Variants in KCNJ6 observed in about 807,000 individuals in gnomAD.
KCNJ6 encodes potassium inwardly rectifying channel subfamily J member 6.
KCNJ6 carries 9 observed loss-of-function variants against 34.2 expected under a neutral mutation model. That is an observed-to-expected ratio of 0.26 (90% confidence interval 0.16 to 0.46). KCNJ6 has a LOEUF of 0.46. Among genes scored for constraint, KCNJ6 ranks in the 20% least tolerant of loss-of-function variants. KCNJ6 has a pLI of 1.00. For missense variants in KCNJ6, 236 were observed against 531.3 expected, an observed-to-expected ratio of 0.44 and a Z score of 5.46; for synonymous variants, 196 against 207.1, an observed-to-expected ratio of 0.95 and a Z score of 0.46.
intron 1 of KCNJ6, among the ~76,000 whole-genome samples, chr21:37,859,589 A>G (rs9981063): frequency 0.34 from 46,899 of 137,772 alleles, 9,651 homozygotes; most frequent in African/African-American, 0.58. Context: ...GAGCAGCCCC[A>G]GTTTTTCATT....
intron 3 of KCNJ6, among the ~76,000 whole-genome samples, chr21:37,685,326 T>G (rs1019131512): frequency 1.3e-5 from 2 of 151,762 alleles, no homozygotes; most frequent in African/African-American, 4.8e-5. Context: ...GGAGGGCAAT[T>G]TGGCAATATC....
At chr21:37,693,440 G>C (rs2054649412) in intron 3 of KCNJ6, among the ~76,000 whole-genome samples, 1 of 152,170 alleles carries the variant, frequency 6.6e-6, no homozygotes, top group Non-Finnish European at 1.5e-5. Context: ...AATCCTGGAG[G>C]AGAACCAGGA....
At chr21:37,726,221 A>G (rs1367553727) in intron 2 of KCNJ6, among the ~76,000 whole-genome samples, 1 of 152,004 alleles carries the variant, frequency 6.6e-6, no homozygotes, top group Non-Finnish European at 1.5e-5. Context: ...TACATTTAAA[A>G]TCTCATCCAT....
chr21:37,701,114 G>A (rs2054688771), intron 3 of KCNJ6, among the ~76,000 whole-genome samples: 1 of 152,230 alleles, frequency 6.6e-6, no homozygotes, highest in South Asian at 2.1e-4. Context: ...GCCTGGGTCT[G>A]TAGCTTAGGA....
intron 2 of KCNJ6, among the ~76,000 whole-genome samples, chr21:37,770,238 A>G (rs2055111364): frequency 6.6e-6 from 1 of 152,148 alleles, no homozygotes; most frequent in Admixed American, 6.5e-5. Flanking sequence ...CTTGTAAGAC[A>G]CTGCTGATTC....
intron 2 of KCNJ6, among the ~76,000 whole-genome samples, chr21:37,775,783 G>T (rs1284148631): frequency 6.6e-6 from 1 of 152,036 alleles, no homozygotes; most frequent in South Asian, 2.1e-4. Context: ...GTCAGGTAGC[G>T]TGATGCCTCC....
At chr21:37,754,648 C>A (rs139380202) in intron 2 of KCNJ6, among the ~76,000 whole-genome samples, 162 of 152,298 alleles carry the variant, frequency 1.1e-3, no homozygotes, top group Admixed American at 0.01. Context: ...GAGATTCCAA[C>A]GCTAATGAGC....
intron 3 of KCNJ6, among the ~76,000 whole-genome samples, chr21:37,638,125 G>T (rs1364082420): frequency 6.6e-6 from 1 of 152,150 alleles, no homozygotes; most frequent in East Asian, 1.9e-4. Context: ...TGAGGACAGA[G>T]ACCACATGTT....
rs1491205456 is a variant in KCNJ6, at chr21:37,617,162, T to TC, written c.*7996_*7997insG. 3.5e-5 allele frequency: 5 copies of TC among 141,262 alleles called. No individual in the cohort carries two copies. Among genetic ancestry groups the TC allele is most frequent in the African/African-American group, 1.3e-4 (5 of 37,054 alleles). 8.8% of individuals were successfully genotyped at this position (141,262 alleles called of 1,614,324 possible). ...TTCCTTCCTTCCTTCCTTCTTTCTT[T>TC]ATCTTTTTTCCTTCCTTCCTTCCTT... On this transcript the variant is annotated 3_prime_UTR_variant, in exon 4 of 4. Transcript: ENST00000609713.
Position 37,809,944 on chromosome 21 carries a change from C to T in KCNJ6, c.25+30714G>A, listed in dbSNP as rs191574678. ...GAATTTCCTTTCCAACCCACCACCCCTGTCACTGGACTTTATGTGAGTGAG... is the reference window on the plus strand; with the variant it reads ...GAATTTCCTTTCCAACCCACCACCCTTGTCACTGGACTTTATGTGAGTGAG... On this transcript the variant is annotated intron_variant, in intron 2 of 3. Coordinates refer to ENST00000609713, the MANE Select transcript of KCNJ6 (RefSeq NM_002240.5). Among the ~76,000 whole-genome samples the T allele has an allele frequency of 2.7e-3, 415 of 152,376 alleles. 1 individual carries two copies. Among genetic ancestry groups the T allele is most frequent in the African/African-American group, 9.8e-3 (406 of 41,592 alleles).
intron 1 of KCNJ6, among the ~76,000 whole-genome samples, chr21:37,906,374 C>T (rs722557): frequency 0.27 from 41,744 of 152,010 alleles, 7,810 homozygotes; most frequent in African/African-American, 0.52. Context: ...TTGGAGGTCT[C>T]TATCGTGGGA....
chr21:37,811,782 C>T (rs1172478766), intron 2 of KCNJ6, among the ~76,000 whole-genome samples: 1 of 152,078 alleles, frequency 6.6e-6, no homozygotes, highest in East Asian at 1.9e-4. Flanking sequence ...TCTTTTCAAC[C>T]TCAGACATAC....
chr21:37,690,072 TAA>T (rs1005727197), intron 3 of KCNJ6, among the ~76,000 whole-genome samples: 11 of 152,214 alleles, frequency 7.2e-5, no homozygotes, highest in African/African-American at 2.4e-4. Context: ...TTTCTCAGTA[TAA>T]GATTATGCAA....
Position 37,714,746 on chromosome 21 carries a change from G to A in KCNJ6, c.411C>T (p.Asn137=), listed in dbSNP as rs779332289. 13 of 1,614,032 alleles carry A rather than the reference G, an allele frequency of 8.1e-6. No homozygotes were observed. Among genetic ancestry groups the A allele is most frequent in the Admixed American group, 5.0e-5 (3 of 60,000 alleles). ...PSWTPCVTNL[N]GFVSAFLFSI... ...AGAATAAAAAAGCAGAGACGAACCC[G>A]TTGAGGTTGGTAACACAAGGAGTCC... Residue 137 remains asparagine, a synonymous_variant, in exon 3 of 4, where the codon AAC becomes AAT. Transcript: ENST00000609713. The surrounding 1 kb of genome is among the most constrained non-coding windows in gnomAD (Gnocchi z 5.9).
chr21:37,750,273 T>C (rs1165631285), intron 2 of KCNJ6, among the ~76,000 whole-genome samples: 1 of 152,212 alleles, frequency 6.6e-6, no homozygotes, highest in East Asian at 1.9e-4. Context: ...GCTTTTACAC[T>C]GTTGGTGGCA....
chr21:37,801,889 C>T (rs960147312), intron 2 of KCNJ6, among the ~76,000 whole-genome samples: 2 of 152,134 alleles, frequency 1.3e-5, no homozygotes, highest in South Asian at 2.1e-4. Flanking sequence ...CATTATTCCC[C>T]CCAGTCACCA....
intron 2 of KCNJ6, among the ~76,000 whole-genome samples, chr21:37,744,774 G>T (rs554052867): frequency 1.3e-5 from 2 of 152,252 alleles, no homozygotes; most frequent in South Asian, 4.2e-4. Flanking sequence ...AACAGTGGGG[G>T]GTGTGTAAGG....
chr21:37,810,132 C>A (rs1274689013), intron 2 of KCNJ6, among the ~76,000 whole-genome samples: 5 of 151,944 alleles, frequency 3.3e-5, no homozygotes, highest in Non-Finnish European at 7.4e-5. Context: ...TGTGCATGCA[C>A]ACACACACAC....
intron 1 of KCNJ6, among the ~76,000 whole-genome samples, chr21:37,893,915 G>A (rs142409265): frequency 3.3e-5 from 5 of 152,108 alleles, no homozygotes; most frequent in Non-Finnish European, 2.9e-5. Flanking sequence ...AGACACAAAC[G>A]AACCCTGCTC....
Sources: gnomAD v4.1 joint callset for allele counts (sites outside exome capture counted in the v4.1 genomes callset) on GRCh38, gnomAD v4.1.1 for gene constraint, Gnocchi (gnomAD v3.1) non-coding constraint, MANE v1.5 for transcripts, NCBI Gene and HGNC (gene_info 2026-07-23, HGNC 2026-07-21) for gene names.